The following ARHGAP24 variants were observed in gnomAD, a reference collection of about 807,000 sequenced individuals.
The protein encoded by ARHGAP24 is rho GTPase-activating protein 24.
ARHGAP24 carries 50 observed loss-of-function variants against 76.4 expected under a neutral mutation model. That is an observed-to-expected ratio of 0.65 (90% CI 0.52 to 0.83). The LOEUF is 0.83. Among genes scored for constraint, ARHGAP24 ranks in the 40% least tolerant of loss-of-function variants. The probability of loss-of-function intolerance (pLI) is 0.00; values close to 1 mark genes in which losing one functional copy is unlikely to be tolerated. For missense variants in ARHGAP24, 930 were observed against 914.2 expected (o/e 1.02, Z -0.22); for synonymous variants, 345 against 323.3 (o/e 1.07, Z -0.72).
chr4:85,816,388 T>C (rs1054891717), intron 3 of ARHGAP24, among the ~76,000 whole-genome samples: 6 of 152,222 alleles, frequency 3.9e-5, no homozygotes, highest in African/African-American at 1.4e-4. Context: ...ATTGAGATCA[T>C]GCAATATCTT....
intron 2 of ARHGAP24, among the ~76,000 whole-genome samples, chr4:85,646,169 C>T (rs553111109): frequency 6.6e-6 from 1 of 152,126 alleles, no homozygotes; most frequent in East Asian, 1.9e-4. Flanking sequence ...TCCATATCAT[C>T]CTGTAGCCTC....
At chr4:85,734,636 A>ATTTTTTTTTTT (rs34647342) in intron 3 of ARHGAP24, among the ~76,000 whole-genome samples, 1 of 101,956 alleles carries the variant, frequency 9.8e-6, no homozygotes, top group Non-Finnish European at 1.9e-5. Context: ...AATTCAGGGA[A>ATTTTTTTTTTT]TTTTTTTTTT....
At chr4:85,592,137 C>A (rs911563656) in intron 2 of ARHGAP24, among the ~76,000 whole-genome samples, 1 of 152,116 alleles carries the variant, frequency 6.6e-6, no homozygotes, top group African/African-American at 2.4e-5. Flanking sequence ...ACTGGCCTGA[C>A]AAAGAACTTT....
At chr4:85,850,031 T>C (rs1731129444) in intron 3 of ARHGAP24, among the ~76,000 whole-genome samples, 2 of 152,216 alleles carry the variant, frequency 1.3e-5, no homozygotes, top group Admixed American at 1.3e-4. Flanking sequence ...TGGTACCAGC[T>C]TCTCTTTGTA....
chr4:85,596,507 C>T (rs987141516), intron 2 of ARHGAP24, among the ~76,000 whole-genome samples: 1 of 151,990 alleles, frequency 6.6e-6, no homozygotes, highest in Non-Finnish European at 1.5e-5. Context: ...AGAGATGGAG[C>T]CTTCTCAGGG....
intron 5 of ARHGAP24, among the ~76,000 whole-genome samples, chr4:85,961,737 A>G (rs983478664): frequency 2.6e-5 from 4 of 152,034 alleles, no homozygotes; most frequent in African/African-American, 9.7e-5. Context: ...AAGTATATAT[A>G]ATATGGCTTT....
chr4:85,924,568 A>G (rs1735910740), intron 4 of ARHGAP24: 1 of 152,120 alleles, frequency 6.6e-6, no homozygotes, highest in African/African-American at 2.4e-5. Context: ...TCAAATTCAC[A>G]CTTTATAAAC....
intron 2 of ARHGAP24, among the ~76,000 whole-genome samples, chr4:85,707,216 C>A (rs1162605719): frequency 6.6e-6 from 1 of 152,150 alleles, no homozygotes; most frequent in East Asian, 1.9e-4. Flanking sequence ...CATACCCAGC[C>A]TTTATAGTAC....
At chr4:85,477,117 A>G (rs1722630408) in intron 1 of ARHGAP24, among the ~76,000 whole-genome samples, 2 of 152,212 alleles carry the variant, frequency 1.3e-5, no homozygotes, top group Non-Finnish European at 2.9e-5. Context: ...GGGATAAGAG[A>G]TAAACTGAGT....
intron 2 of ARHGAP24, among the ~76,000 whole-genome samples, chr4:85,624,035 A>G (rs1307823968): frequency 1.3e-5 from 2 of 152,218 alleles, no homozygotes; most frequent in East Asian, 3.9e-4. Flanking sequence ...ATCTGCAAAC[A>G]GGGACAATTT....
rs1317716005 is a variant in ARHGAP24, at chr4:85,663,407, G to C, written c.181-58478G>C. ...TTGCTGAAGTTGCTTATCAGCTTAA[G>C]GAGATTGTGGGCTGAGACAATGGGG... On this transcript the variant is annotated intron_variant, in intron 2 of 9. Coordinates refer to ENST00000395184, the MANE Select transcript of ARHGAP24 (RefSeq NM_001025616.3). Among the ~76,000 whole-genome samples the C allele has an allele frequency of 2.1e-5, 3 of 145,936 alleles. No homozygotes were observed. The Admixed American group carries it at 2.1e-4, about 10-fold the overall frequency.
At chr4:85,793,251 G>A (rs959334645) in intron 3 of ARHGAP24, among the ~76,000 whole-genome samples, 1 of 152,020 alleles carries the variant, frequency 6.6e-6, no homozygotes, top group Non-Finnish European at 1.5e-5. Flanking sequence ...TGTATATTTC[G>A]AAAAACTCCA....
intron 2 of ARHGAP24, among the ~76,000 whole-genome samples, chr4:85,639,829 T>C (rs1721458424): frequency 6.6e-6 from 1 of 152,138 alleles, no homozygotes; most frequent in Admixed American, 6.6e-5. Context: ...AAGGTAAGAC[T>C]AGGCTAATAT....
At chr4:85,868,607 A>G (rs548128382) in intron 3 of ARHGAP24, among the ~76,000 whole-genome samples, 38 of 152,256 alleles carry the variant, frequency 2.5e-4, no homozygotes, top group African/African-American at 8.4e-4. Context: ...CTCAGATGGG[A>G]TCCTGGAACA....
chr4:85,744,301 G>A (rs1188361931), intron 3 of ARHGAP24, among the ~76,000 whole-genome samples: 1 of 152,152 alleles, frequency 6.6e-6, no homozygotes, highest in Non-Finnish European at 1.5e-5. Context: ...CAAGGAGTCT[G>A]GCTTATGTTC....
At chr4:85,821,605 G>A (rs1193152566) in intron 3 of ARHGAP24, among the ~76,000 whole-genome samples, 1 of 152,118 alleles carries the variant, frequency 6.6e-6, no homozygotes, top group African/African-American at 2.4e-5. Flanking sequence ...TGCTGGTCTT[G>A]GACTCTTGGC....
intron 3 of ARHGAP24, among the ~76,000 whole-genome samples, chr4:85,858,413 T>C (rs1256885439): frequency 6.6e-6 from 1 of 152,186 alleles, no homozygotes; most frequent in Non-Finnish European, 1.5e-5. Flanking sequence ...TCTCACTTTT[T>C]CAATAATGGG....
At chr4:85,539,213 G>A (rs1302204239) in intron 1 of ARHGAP24, among the ~76,000 whole-genome samples, 1 of 152,148 alleles carries the variant, frequency 6.6e-6, no homozygotes, top group South Asian at 2.1e-4. Flanking sequence ...TAGGAATGAA[G>A]ATAAAATGGT....
chr4:85,762,387 T>A (rs1223564495), intron 3 of ARHGAP24, among the ~76,000 whole-genome samples: 1 of 152,222 alleles, frequency 6.6e-6, no homozygotes, highest in Non-Finnish European at 1.5e-5. Flanking sequence ...AAGACAGCGA[T>A]TGAAGCAAGA....
Sources: gnomAD v4.1 joint callset for allele counts (sites outside exome capture counted in the v4.1 genomes callset) on GRCh38, gnomAD v4.1.1 for gene constraint, MANE v1.5 for transcripts, NCBI Gene and HGNC (gene_info 2026-07-23, HGNC 2026-07-21) for gene names.